The following RAB3GAP1 variants were observed in gnomAD, a reference collection of about 807,000 sequenced individuals.
RAB3GAP1 encodes the protein rab3 GTPase-activating protein catalytic subunit.
In RAB3GAP1, 86 loss-of-function variants were observed where a neutral mutation model predicts 130.7. The observed-to-expected ratio is 0.66, with a 90% CI of 0.55 to 0.79. The LOEUF is 0.79. RAB3GAP1 is among the 30% of genes least tolerant of loss of function. The pLI is 0.00. For synonymous variants in RAB3GAP1, 367 were observed against 401.7 expected, an observed-to-expected ratio of 0.91 and a Z score of 1.03; for missense variants, 1,029 against 1,169.4, an observed-to-expected ratio of 0.88 and a Z score of 1.75.
At chr2:135,100,977 A>C (rs1402209199) in intron 5 of RAB3GAP1, among the ~76,000 whole-genome samples, 1 of 152,220 alleles carries the variant, frequency 6.6e-6, no homozygotes, top group Non-Finnish European at 1.5e-5. Context: ...GAATAAGCTT[A>C]ATTAATAAGT....
In RAB3GAP1 at chr2:135,135,943, C is replaced by T. The variant is rs770371404; in HGVS notation, c.1923+11C>T. ...ATTCCAGTAACCCAGGTAGGATGCA[C>T]TAGTTCTTTCCATTTTAATTTATTT... On this transcript the variant is annotated intron_variant, in intron 17 of 23. Coordinates refer to ENST00000264158, the MANE Select transcript of RAB3GAP1 (RefSeq NM_012233.3). 30 of 1,612,314 alleles carry T rather than the reference C, an allele frequency of 1.9e-5. No individual in the cohort carries two copies. Among genetic ancestry groups the T allele is most frequent in the Non-Finnish European group, 2.5e-5 (30 of 1,178,368 alleles).
chr2:135,116,383 C>T lies in RAB3GAP1; in HGVS notation c.648+1002C>T, dbSNP rs1211536019. Among the ~76,000 whole-genome samples the T allele has an allele frequency of 2.0e-5, 3 of 152,006 alleles. 1 individual carries two copies. The highest frequency in any genetic ancestry group is 1.5e-5 in the Non-Finnish European group (1 of 67,984). ...TACTGTAAATCAAAACATGAGGAAG[C>T]AATCACATATTTTCAAAGTGAGCCA... On this transcript the variant is annotated intron_variant, in intron 7 of 23. Transcript: ENST00000264158.
chr2:135,151,234 C>A (rs1220610989), intron 18 of RAB3GAP1, among the ~76,000 whole-genome samples: 1 of 152,128 alleles, frequency 6.6e-6, no homozygotes, highest in Non-Finnish European at 1.5e-5. Context: ...AGTGGGTAGC[C>A]CCATGGGCTA....
At chr2:135,173,586 G>A (rs1328728930), downstream of RAB3GAP1, among the ~76,000 whole-genome samples, 1 of 152,150 alleles carries the variant, frequency 6.6e-6, no homozygotes, top group Non-Finnish European at 1.5e-5. Flanking sequence ...ATAGAGAAGG[G>A]GCTGCCTCGA....
In RAB3GAP1 at chr2:135,133,210, C is replaced by T. The variant is rs1238485565; in HGVS notation, c.1326+226C>T. Among the ~76,000 whole-genome samples, 3 of 152,150 alleles carry T rather than the reference C, an allele frequency of 2.0e-5. No individual in the cohort carries two copies. In the East Asian group the frequency reaches 5.8e-4, roughly 29 times the overall value. ...GAAAAAATAGCACAAATATACTCTA[C>T]ACAGCTGTAGGATTTCCCTCATTGT... On this transcript the variant is annotated intron_variant, in intron 14 of 23. Coordinates refer to ENST00000264158, the MANE Select transcript of RAB3GAP1 (RefSeq NM_012233.3).
chr2:135,142,710 T>C (rs1691878148), intron 17 of RAB3GAP1, among the ~76,000 whole-genome samples: 1 of 151,982 alleles, frequency 6.6e-6, no homozygotes, highest in African/African-American at 2.4e-5. Context: ...TTTTTAATCA[T>C]GAACAGGTAT....
intron 19 of RAB3GAP1, among the ~76,000 whole-genome samples, chr2:135,157,463 C>A (rs1692342603): frequency 6.6e-6 from 1 of 152,158 alleles, no homozygotes; most frequent in African/African-American, 2.4e-5. Flanking sequence ...GATGGAAAAT[C>A]TAATCCAAGT....
intron 3 of RAB3GAP1, among the ~76,000 whole-genome samples, chr2:135,090,163 T>TA (rs1236816264): frequency 6.6e-6 from 1 of 152,214 alleles, no homozygotes; most frequent in Non-Finnish European, 1.5e-5. Context: ...TTGATGTACT[T>TA]ACGTAATAAT....
At chr2:135,118,076 G>T (rs1241121823) in intron 7 of RAB3GAP1, among the ~76,000 whole-genome samples, 4 of 151,974 alleles carry the variant, frequency 2.6e-5, no homozygotes, top group Non-Finnish European at 5.9e-5. Context: ...CAACTCCTAG[G>T]CTCAAGCAAT....
At chr2:135,173,659 C>A (rs1209490808), downstream of RAB3GAP1, among the ~76,000 whole-genome samples, 1 of 152,140 alleles carries the variant, frequency 6.6e-6, no homozygotes, top group Non-Finnish European at 1.5e-5. Context: ...AACTTCTGCC[C>A]CAAACCAGGT....
At chr2:135,114,315 A>C (rs1433754875) in intron 6 of RAB3GAP1, among the ~76,000 whole-genome samples, 1 of 152,182 alleles carries the variant, frequency 6.6e-6, no homozygotes, top group Non-Finnish European at 1.5e-5. Flanking sequence ...TGCTATTTTG[A>C]ATTGTATTTC....
intron 7 of RAB3GAP1, among the ~76,000 whole-genome samples, chr2:135,117,615 GCTT>G (rs1558784511): frequency 2.4e-4 from 6 of 25,008 alleles, no homozygotes; most frequent in South Asian, 1.3e-3. Context: ...TGCTTCTTCT[GCTT>G]CTGCTTCTTC....
chr2:135,073,633 C>T (rs1484553795), intron 3 of RAB3GAP1, among the ~76,000 whole-genome samples: 2 of 152,200 alleles, frequency 1.3e-5, no homozygotes, highest in Non-Finnish European at 2.9e-5. Context: ...CTTATAAAAG[C>T]AGCCAGCACT....
intron 3 of RAB3GAP1, among the ~76,000 whole-genome samples, chr2:135,077,628 A>T (rs988125925): frequency 3.3e-5 from 5 of 152,224 alleles, no homozygotes; most frequent in Admixed American, 1.3e-4. Flanking sequence ...TTTTTGAGGA[A>T]CCATCACGTT....
chr2:135,166,588 A>G (rs193187699), intron 23 of RAB3GAP1, among the ~76,000 whole-genome samples: 2 of 152,200 alleles, frequency 1.3e-5, no homozygotes, highest in East Asian at 1.9e-4. Context: ...GTTTCAAGCA[A>G]TTCTCCTTCC....
chr2:135,139,561 AT>A (rs1266351056), intron 17 of RAB3GAP1, among the ~76,000 whole-genome samples: 12 of 151,996 alleles, frequency 7.9e-5, no homozygotes, highest in African/African-American at 2.9e-4. Flanking sequence ...AAAAAAAAAA[AT>A]AAAAAGTGCA....
At chr2:135,154,065 G>C (rs1408913541) in intron 19 of RAB3GAP1, among the ~76,000 whole-genome samples, 189 bp downstream of exon 19, 1 of 152,046 alleles carries the variant, frequency 6.6e-6, no homozygotes, top group African/African-American at 2.4e-5. Context: ...GCAAATAATA[G>C]GCATGCATAG....
At chr2:135,146,954 T>G (rs533259722) in intron 17 of RAB3GAP1, among the ~76,000 whole-genome samples, 12 of 148,078 alleles carry the variant, frequency 8.1e-5, no homozygotes, top group Non-Finnish European at 1.2e-4. Context: ...ATTATGTGAT[T>G]ATTTCAAGGG....
At position 135,168,660 on chromosome 2, in the gene RAB3GAP1, G is replaced by A. The variant is rs761418983; in HGVS notation, c.2825G>A (p.Arg942His). 5.0e-6 allele frequency: 8 copies of A among 1,614,176 alleles called. No individual in the cohort carries two copies. Among genetic ancestry groups the A allele is most frequent in the South Asian group, 3.3e-5 (3 of 91,082 alleles). Residue 942 changes from arginine to histidine, a missense_variant, in exon 24 of 24, where the codon CGC (arginine) becomes CAC (histidine). By Grantham distance (29) the Arg-to-His change is conservative (BLOSUM62 0). Coordinates refer to ENST00000264158, the MANE Select transcript of RAB3GAP1 (RefSeq NM_012233.3). ...CCTGCTGGCCGGGAATTCATTTTGC[G>A]CACCACTGTGCCGCGCCCTGCTCCC... is the stretch of plus-strand genomic sequence containing the variant. ...PPPAGREFILRTTVPRPAPYS... is the reference protein window; with the variant it reads ...PPPAGREFILHTTVPRPAPYS...
Sources: allele counts gnomAD v4.1 joint callset (sites outside exome capture counted in the v4.1 genomes callset), GRCh38; gene constraint gnomAD v4.1.1; transcripts MANE v1.5; gene names NCBI Gene and HGNC (gene_info 2026-07-23, HGNC 2026-07-21).